Variants in PRKCE observed in about 807,000 individuals in gnomAD.
PRKCE encodes protein kinase C epsilon.
PRKCE carries 16 observed loss-of-function variants against 85.4 expected under a neutral mutation model. The observed-to-expected ratio is 0.19, with a 90% CI of 0.13 to 0.28. PRKCE has a LOEUF of 0.28. PRKCE is among the 10% of genes least tolerant of loss of function. PRKCE has a pLI of 1.00. For synonymous variants in PRKCE, 388 were observed against 371.5 expected, an observed-to-expected ratio of 1.04 and a Z score of -0.51; for missense variants, 573 against 975.2, an observed-to-expected ratio of 0.59 and a Z score of 5.49.
At chr2:45,692,994 G>A (rs1677859880) in intron 1 of PRKCE, among the ~76,000 whole-genome samples, 1 of 152,172 alleles carries the variant, frequency 6.6e-6, no homozygotes, top group African/African-American at 2.4e-5. Context: ...GGGAAGGATT[G>A]GACGCTGGAG....
chr2:45,885,127 G>A (rs1193844675), intron 2 of PRKCE, among the ~76,000 whole-genome samples: 1 of 151,344 alleles, frequency 6.6e-6, no homozygotes, highest in East Asian at 1.9e-4. Flanking sequence ...TGGTCTCTCT[G>A]GATTTAAAAC....
At chr2:45,957,210 G>A (rs749298747) in intron 2 of PRKCE, among the ~76,000 whole-genome samples, 26 of 152,254 alleles carry the variant, frequency 1.7e-4, no homozygotes, top group Middle Eastern at 3.4e-3. Flanking sequence ...CAAACCCAAC[G>A]TCACAAAGAT....
At chr2:45,981,448 C>T (rs939926496) in intron 5 of PRKCE, among the ~76,000 whole-genome samples, 10 of 152,186 alleles carry the variant, frequency 6.6e-5, no homozygotes, top group Admixed American at 2.0e-4. Flanking sequence ...ATCCTGGCAT[C>T]TAAGGCATTT....
At chr2:45,927,356 C>G (rs919509173) in intron 2 of PRKCE, among the ~76,000 whole-genome samples, 1 of 152,182 alleles carries the variant, frequency 6.6e-6, no homozygotes, top group Admixed American at 6.5e-5. Flanking sequence ...AGGCTCTGTG[C>G]TAAGCACTTT....
At chr2:46,037,104 C>T (rs1707912800) in intron 10 of PRKCE, among the ~76,000 whole-genome samples, 1 of 152,172 alleles carries the variant, frequency 6.6e-6, no homozygotes, top group Non-Finnish European at 1.5e-5. Context: ...TTTTCCTGTA[C>T]CCATTCCAGT....
intron 1 of PRKCE, among the ~76,000 whole-genome samples, chr2:45,708,934 C>A (rs764956406): frequency 6.6e-6 from 1 of 152,142 alleles, no homozygotes; most frequent in Non-Finnish European, 1.5e-5. Context: ...GAGAGCCACT[C>A]CTGTGTGGAT....
At chr2:45,893,517 G>A (rs1312780144) in intron 2 of PRKCE, among the ~76,000 whole-genome samples, 6 of 151,880 alleles carry the variant, frequency 4.0e-5, no homozygotes, top group African/African-American at 1.2e-4. Flanking sequence ...ACAGGCACCC[G>A]CCACCACACC....
chr2:45,920,483 G>A (rs1573883151), intron 2 of PRKCE, among the ~76,000 whole-genome samples: 1 of 152,188 alleles, frequency 6.6e-6, no homozygotes, highest in African/African-American at 2.4e-5. Context: ...ATTCATAATA[G>A]CCAAAAAGCA....
At chr2:45,677,978 T>A in intron 1 of PRKCE, 1 of 825,024 alleles carries the variant, frequency 1.2e-6, no homozygotes, top group Non-Finnish European at 1.5e-6. Flanking sequence ...AAATATCAAC[T>A]TGATTTTACA....
intron 2 of PRKCE, among the ~76,000 whole-genome samples, chr2:45,926,110 C>T (rs1019776018): frequency 1.3e-5 from 2 of 152,174 alleles, no homozygotes; most frequent in African/African-American, 4.8e-5. Context: ...ATCTCACAGA[C>T]TTGTGAAGTA....
chr2:46,167,318 A>G (rs1678438364), intron 14 of PRKCE, among the ~76,000 whole-genome samples: 1 of 152,204 alleles, frequency 6.6e-6, no homozygotes, highest in Admixed American at 6.5e-5. Context: ...TGAAGCATCA[A>G]CAAACCTAAT....
intron 11 of PRKCE, among the ~76,000 whole-genome samples, chr2:46,094,039 C>G (rs554751382): frequency 5.3e-5 from 8 of 152,288 alleles, no homozygotes; most frequent in South Asian, 2.1e-4. Flanking sequence ...ACCACAAACT[C>G]TCTACAAACT....
chr2:46,091,421 C>T (rs958719948), intron 11 of PRKCE, among the ~76,000 whole-genome samples: 4 of 152,188 alleles, frequency 2.6e-5, no homozygotes, highest in Non-Finnish European at 1.5e-5. Context: ...CCTCTGTCCC[C>T]ATGTCATGAA....
chr2:46,050,880 C>T (rs1454518875), intron 10 of PRKCE, among the ~76,000 whole-genome samples: 2 of 152,170 alleles, frequency 1.3e-5, no homozygotes, highest in African/African-American at 4.8e-5. Flanking sequence ...TCTCAGTGCC[C>T]ACAATGGGCA....
At chr2:45,729,487 C>G (rs1442218251) in intron 1 of PRKCE, among the ~76,000 whole-genome samples, 1 of 152,114 alleles carries the variant, frequency 6.6e-6, no homozygotes, top group African/African-American at 2.4e-5. Flanking sequence ...TCTATGTGTC[C>G]CCCTTCATTA....
intron 7 of PRKCE, among the ~76,000 whole-genome samples, chr2:46,003,460 T>C (rs1353681327): frequency 1.3e-5 from 2 of 152,242 alleles, no homozygotes; most frequent in Non-Finnish European, 2.9e-5. Flanking sequence ...AATATCAATA[T>C]ATCTGAAAAT....
At chr2:45,818,092 G>A (rs1277834114) in intron 1 of PRKCE, among the ~76,000 whole-genome samples, 1 of 152,196 alleles carries the variant, frequency 6.6e-6, no homozygotes, top group Non-Finnish European at 1.5e-5. Flanking sequence ...TCCTTCATGG[G>A]ATAGGCAAGG....
intron 11 of PRKCE, among the ~76,000 whole-genome samples, chr2:46,090,048 AGG>A (rs1670015038): frequency 2.0e-5 from 3 of 152,148 alleles, no homozygotes; most frequent in South Asian, 4.1e-4. Flanking sequence ...GAAATAGGTA[AGG>A]GGATGGGTGA....
intron 11 of PRKCE, among the ~76,000 whole-genome samples, chr2:46,097,519 C>CAAAAAAAAAAAAGAAAAAAAAAAA (rs1670814710): frequency 1.1e-5 from 1 of 94,124 alleles, no homozygotes; most frequent in Non-Finnish European, 2.2e-5. Context: ...GACTCCGTCT[C>CAAAAAAAAAAAAGAAAAAAAAAAA]AAAAAAAAAA....
Sources: allele counts gnomAD v4.1 joint callset (sites outside exome capture counted in the v4.1 genomes callset), GRCh38; gene constraint gnomAD v4.1.1; transcripts MANE v1.5; gene names NCBI Gene and HGNC (gene_info 2026-07-23, HGNC 2026-07-21).